DAPK1: variants seen among roughly 807,000 people sequenced by gnomAD.
DAPK1 encodes the protein death associated protein kinase 1.
DAPK1 carries 56 observed loss-of-function variants against 144.9 expected under a neutral mutation model. That is an observed-to-expected ratio of 0.39 (90% CI 0.31 to 0.48). The LOEUF is 0.48. Among genes scored for constraint, DAPK1 ranks in the 20% least tolerant of loss-of-function variants. The pLI, the probability that DAPK1 is intolerant of heterozygous loss-of-function variation, is 0.95. For synonymous variants in DAPK1, 690 were observed against 749.0 expected (o/e 0.92, Z 1.29); for missense variants, 1,454 against 1,875.4 (o/e 0.78, Z 4.15).
intron 2 of DAPK1, among the ~76,000 whole-genome samples, chr9:87,584,869 G>A (rs1444780101): frequency 6.6e-6 from 1 of 152,104 alleles, no homozygotes; most frequent in African/African-American, 2.4e-5. Flanking sequence ...TAGAGACGGG[G>A]TTTCACCATG....
chr9:87,674,802 T>C lies in DAPK1; in HGVS notation c.2001+6128T>C, dbSNP rs142466423. Among the ~76,000 whole-genome samples the C allele has an allele frequency of 2.3e-3, 343 of 152,312 alleles. 1 individual carries two copies. The highest frequency in any genetic ancestry group is 6.5e-3 in the African/African-American group (271 of 41,566). On this transcript the variant is annotated intron_variant, in intron 19 of 25. Transcript: ENST00000408954. Reference sequence around the variant, plus strand: ...TCCCCATCAGCTTGCTAATGTTTAGTCTTCTTGTCTGATGAGAAAGTGAAA... The same window carrying C: ...TCCCCATCAGCTTGCTAATGTTTAGCCTTCTTGTCTGATGAGAAAGTGAAA...
intron 3 of DAPK1, among the ~76,000 whole-genome samples, chr9:87,606,677 CCT>C (rs1375662122): frequency 7.4e-5 from 8 of 107,950 alleles, no homozygotes; most frequent in African/African-American, 2.9e-4. Flanking sequence ...CCTCTCTCTC[CCT>C]GTCCCTCCCT....
intron 2 of DAPK1, among the ~76,000 whole-genome samples, chr9:87,591,287 T>C (rs531435632): frequency 4.7e-4 from 71 of 152,334 alleles, no homozygotes; most frequent in African/African-American, 1.7e-3. Context: ...ACAGGGCCAG[T>C]TGGGGCTTAG....
At position 87,698,723 on chromosome 9, in the gene DAPK1, T is replaced by G. The variant is rs142092748; in HGVS notation, c.2679T>G (p.Asn893Lys). The change falls in exon 23 of 26, where the codon AAT (asparagine) becomes AAG (lysine). Residue 893 changes from asparagine to lysine, a missense_variant. Physicochemically the swap from Asn to Lys is moderately conservative, Grantham distance 94. Transcript: ENST00000408954. ...VLVATHADIM[N>K]VPRPAGGEFG... Reference sequence around the variant, plus strand: ...TGGCCACCCACGCTGACATCATGAATGTTCCTCGACCGGCTGGAGGCGAGT... The same window carrying G: ...TGGCCACCCACGCTGACATCATGAAGGTTCCTCGACCGGCTGGAGGCGAGT... 9 of 1,599,920 alleles carry G rather than the reference T, an allele frequency of 5.6e-6. No individual in the cohort carries two copies. Among genetic ancestry groups the G allele is most frequent in the Non-Finnish European group, 7.7e-6 (9 of 1,167,008 alleles).
rs1828534205 is a variant in DAPK1, at chr9:87,601,886, T to G, written c.63-3068T>G. 2.0e-5 allele frequency among the ~76,000 whole-genome samples: 3 copies of G among 152,172 alleles called. No individual in the cohort carries two copies. In the South Asian group the frequency reaches 6.2e-4, roughly 31 times the overall value. On this transcript the variant is annotated intron_variant, in intron 2 of 25. Coordinates refer to ENST00000408954, the MANE Select transcript of DAPK1 (RefSeq NM_004938.4). ...ACACTTTGTCTAACTCCTCGGGTTC[T>G]CAGGGTTATAGATTCAGGCGTCAGC... is the stretch of plus-strand genomic sequence containing the variant.
chr9:87,513,280 A>G (rs1824920228), intron 2 of DAPK1, among the ~76,000 whole-genome samples: 1 of 152,248 alleles, frequency 6.6e-6, no homozygotes, highest in Non-Finnish European at 1.5e-5. Flanking sequence ...GCAAGCTTCT[A>G]GTCATGTAGG....
chr9:87,637,029 G>C (rs1312565403), intron 3 of DAPK1, among the ~76,000 whole-genome samples: 1 of 152,002 alleles, frequency 6.6e-6, no homozygotes, highest in Admixed American at 6.5e-5. Flanking sequence ...CTTACAGTCT[G>C]GACAGAGAAA....
At position 87,708,033 on chromosome 9, in the gene DAPK1, T is replaced by G; in HGVS notation, c.*669T>G. The G allele has an allele frequency of 3.3e-6, 1 of 301,326 alleles. No individual in the cohort carries two copies. The highest frequency in any genetic ancestry group is 3.0e-5 in the South Asian group (1 of 32,824). The allele number at this position is 301,326 out of a possible 1,614,324, so 18.7% of individuals were successfully genotyped here. ...CACCCTGAGTTTTGTTTTGTATTGTTTTCTGACAGTTTTTCTGTTTTGTTT... is the reference window on the plus strand; with the variant it reads ...CACCCTGAGTTTTGTTTTGTATTGTGTTCTGACAGTTTTTCTGTTTTGTTT... On this transcript the variant is annotated 3_prime_UTR_variant, in exon 26 of 26. Coordinates refer to ENST00000408954, the MANE Select transcript of DAPK1 (RefSeq NM_004938.4).
Position 87,703,049 on chromosome 9 carries a change from C to T in DAPK1, c.2892C>T (p.His964=), listed in dbSNP as rs376506238. The change falls in exon 25 of 26, where the codon CAC becomes CAT. Residue 964 remains histidine (H), a synonymous_variant. Coordinates refer to ENST00000408954, the MANE Select transcript of DAPK1 (RefSeq NM_004938.4). ...TCTAGGTCTGTCCTCCCATGACTCA[C>T]CTGTGTGAGAAAATCATCTCCACGC... is the stretch of plus-strand genomic sequence containing the variant. The part of the protein sequence containing the change: ...QIVSVCPPMT[H]LCEKIISTLP... The T allele has an allele frequency of 5.7e-6, 9 of 1,588,380 alleles. No individual in the cohort carries two copies. The highest frequency in any genetic ancestry group is 3.3e-5 in the South Asian group (3 of 90,564).
intron 2 of DAPK1, among the ~76,000 whole-genome samples, chr9:87,595,832 T>C (rs1339918920): frequency 6.6e-6 from 1 of 152,172 alleles, no homozygotes; most frequent in Non-Finnish European, 1.5e-5. Context: ...CTGCTGTTTA[T>C]CCCCTCAGTA....
At position 87,647,367 on chromosome 9, in the gene DAPK1, C is replaced by T. The variant is rs36213062; in HGVS notation, c.1293C>T (p.Leu431=). The T allele has an allele frequency of 3.1e-3, 5,066 of 1,614,152 alleles. 129 individuals are homozygous for T. The African/African-American group carries it at 0.056, about 18-fold the overall frequency. Residue 431 remains leucine (L), a synonymous_variant, in exon 14 of 26, where the codon CTC becomes CTT. Transcript: ENST00000408954. ...GCCACGTCGATACCTTGAAATTTCT[C>T]AGTGAGAACAAATGCCCTTTGGATG... ...RHGHVDTLKF[L]SENKCPLDVK...
chr9:87,621,703 C>T (rs190130565), intron 3 of DAPK1, among the ~76,000 whole-genome samples: 1 of 152,286 alleles, frequency 6.6e-6, no homozygotes, highest in Non-Finnish European at 1.5e-5. Context: ...CTGATGCAGG[C>T]AGCTGAGGAT....
At chr9:87,597,359 C>G (rs1828355654) in intron 2 of DAPK1, among the ~76,000 whole-genome samples, 1 of 152,098 alleles carries the variant, frequency 6.6e-6, no homozygotes, top group African/African-American at 2.4e-5. Context: ...AGGAGGCAAA[C>G]CAAATATGTC....
chr9:87,627,487 C>T (rs574436112), intron 3 of DAPK1, among the ~76,000 whole-genome samples: 1 of 152,112 alleles, frequency 6.6e-6, no homozygotes, highest in Non-Finnish European at 1.5e-5. Flanking sequence ...CCACCCACCC[C>T]CTTTGCTTGC....
intron 2 of DAPK1, among the ~76,000 whole-genome samples, chr9:87,579,748 G>A (rs1172382817): frequency 6.6e-6 from 1 of 152,138 alleles, no homozygotes; most frequent in East Asian, 1.9e-4. Context: ...CTGCAGGAAT[G>A]AATGATCACC....
chr9:87,639,679 G>A lies in DAPK1; in HGVS notation c.583G>A (p.Gly195Ser). ...TGAGATAGTCAACTATGAACCTCTTGGTCTTGAGGCAGATATGTGGTAAGG... is the reference window on the plus strand; with the variant it reads ...TGAGATAGTCAACTATGAACCTCTTAGTCTTGAGGCAGATATGTGGTAAGG... The part of the protein sequence containing the change: ...APEIVNYEPL[G>S]LEADMWSIGV... Residue 195 changes from glycine (G) to serine (S), a missense_variant, in exon 6 of 26, where the codon GGT (glycine) becomes AGT (serine). Coordinates refer to ENST00000408954, the MANE Select transcript of DAPK1 (RefSeq NM_004938.4). 2 of 1,614,066 alleles carry A rather than the reference G, an allele frequency of 1.2e-6. No homozygotes were observed. Among genetic ancestry groups the A allele is most frequent in the Non-Finnish European group, 1.7e-6 (2 of 1,180,004 alleles).
intron 20 of DAPK1, 31 bp downstream of exon 20, chr9:87,681,657 C>A: frequency 8.7e-7 from 1 of 1,156,054 alleles, no homozygotes; most frequent in South Asian, 1.2e-5. Flanking sequence ...CCCGTCTCTC[C>A]AGCAGGTGTT....
Position 87,700,218 on chromosome 9 carries a change from T to A in DAPK1, c.2852T>A (p.Ile951Lys). The A allele has an allele frequency of 1.9e-6, 3 of 1,611,538 alleles. No homozygotes were observed. Among genetic ancestry groups the A allele is most frequent in the Non-Finnish European group, 2.5e-6 (3 of 1,177,634 alleles). ...MKVLRNHLQE[I>K]RSQIVSVCPP... ...GTACTTCGAAATCATCTGCAAGAAA[T>A]ACGAAGCCAGATTGTTTCGGTAAGT... is the stretch of plus-strand genomic sequence containing the variant. The change falls in exon 24 of 26, where the codon ATA (isoleucine) becomes AAA (lysine). Residue 951 changes from isoleucine to lysine, a missense_variant. Ile to Lys is a moderately radical substitution (Grantham distance 102). Coordinates refer to ENST00000408954, the MANE Select transcript of DAPK1 (RefSeq NM_004938.4).
intron 19 of DAPK1, among the ~76,000 whole-genome samples, chr9:87,669,179 T>TA (rs1831166309): frequency 6.6e-6 from 1 of 152,158 alleles, no homozygotes; most frequent in South Asian, 2.1e-4. Context: ...GTTTTATGCT[T>TA]AAAGATGTTC....
Sources: allele counts gnomAD v4.1 joint callset (sites outside exome capture counted in the v4.1 genomes callset), GRCh38; gene constraint gnomAD v4.1.1; transcripts MANE v1.5; gene names NCBI Gene and HGNC (gene_info 2026-07-23, HGNC 2026-07-21).